Variants in CMTM4 observed in about 807,000 individuals in gnomAD.
CMTM4 encodes the protein CKLF like MARVEL transmembrane domain containing 4.
In CMTM4, 8 loss-of-function variants were observed where a neutral mutation model predicts 19.0. That is an observed-to-expected ratio of 0.42 (90% CI 0.25 to 0.76). CMTM4 has a LOEUF of 0.76. CMTM4 is among the 30% of genes least tolerant of loss of function. The pLI is 0.27. For synonymous variants in CMTM4, 106 were observed against 121.1 expected, an observed-to-expected ratio of 0.88 and a Z score of 0.82; for missense variants, 228 against 290.2, an observed-to-expected ratio of 0.79 and a Z score of 1.56.
At chr16:66,687,465 T>A (rs2017054529) in intron 1 of CMTM4, among the ~76,000 whole-genome samples, 1 of 151,896 alleles carries the variant, frequency 6.6e-6, no homozygotes, top group Non-Finnish European at 1.5e-5. Context: ...CAGGAGTTTG[T>A]GGCCAGCCTA....
chr16:66,612,686 T>TGTGAG, downstream of CMTM4: 2 of 1,595,260 alleles, frequency 1.3e-6, no homozygotes, highest in Non-Finnish European at 8.6e-7. This position sits in a 1 kb window ranked among gnomAD's most constrained non-coding sequence, Gnocchi z 6.0. Context: ...CCTCCACCCC[T>TGTGAG]GCGCCTCACA....
intron 1 of CMTM4, among the ~76,000 whole-genome samples, chr16:66,656,103 G>C (rs542406239): frequency 6.6e-6 from 1 of 151,970 alleles, no homozygotes; most frequent in African/African-American, 2.4e-5. Flanking sequence ...CAGTATCTGG[G>C]AGACAGAGTA....
In CMTM4 at chr16:66,620,429, C is replaced by G. The variant is rs938090958; in HGVS notation, c.*1629G>C. The G allele has an allele frequency of 1.0e-6, 1 of 985,316 alleles. No individual in the cohort carries two copies. The highest frequency in any genetic ancestry group is 1.7e-5 in the African/African-American group (1 of 57,230). The allele number at this position is 985,316 out of a possible 1,614,324, so 61.0% of individuals were successfully genotyped here. ...CTGGGACACTGCTCCCAACTCAGAT[C>G]GTACTGAAGGTGTTGGTGCAGGAAG... On this transcript the variant is annotated 3_prime_UTR_variant, in exon 4 of 4. Transcript: ENST00000394106.
At chr16:66,599,514 G>A in the CMTM4 span, among the ~76,000 whole-genome samples, 3 of 151,742 alleles carry the variant, frequency 2.0e-5, no homozygotes, top group Non-Finnish European at 4.4e-5. Context: ...TTGAGACAAG[G>A]TCTCACTCGC....
intron 1 of CMTM4, among the ~76,000 whole-genome samples, chr16:66,651,216 G>A (rs538066563): frequency 2.9e-4 from 44 of 152,204 alleles, no homozygotes; most frequent in Admixed American, 9.8e-4. Context: ...TCCTGGAGCC[G>A]GAACTACAGA....
chr16:66,647,097 T>C (rs2016216834), intron 1 of CMTM4, among the ~76,000 whole-genome samples: 2 of 139,328 alleles, frequency 1.4e-5, no homozygotes, highest in South Asian at 4.4e-4. Flanking sequence ...GGGTGGATCA[T>C]GAAGTCAGGA....
chr16:66,672,106 T>C (rs1484170938), intron 1 of CMTM4, among the ~76,000 whole-genome samples: 1 of 152,066 alleles, frequency 6.6e-6, no homozygotes, highest in African/African-American at 2.4e-5. Flanking sequence ...TAATTGTAGT[T>C]TTTGTCATTA....
chr16:66,605,196 G>A, the CMTM4 span: 1 of 385,672 alleles, frequency 2.6e-6, no homozygotes, highest in Admixed American at 4.7e-5. The surrounding 1 kb of genome is among the most constrained non-coding windows in gnomAD (Gnocchi z 4.6). Flanking sequence ...CCAGAGCTGG[G>A]GGCCGTGGGA....
chr16:66,630,973 G>A (rs913043652), intron 2 of CMTM4, among the ~76,000 whole-genome samples: 5 of 151,158 alleles, frequency 3.3e-5, no homozygotes, highest in South Asian at 2.1e-4. Flanking sequence ...GGTGAGGAGC[G>A]TCTCTGCCCA....
At chr16:66,631,671 C>T (rs1345506669) in intron 2 of CMTM4, among the ~76,000 whole-genome samples, 1 of 152,116 alleles carries the variant, frequency 6.6e-6, no homozygotes, top group African/African-American at 2.4e-5. Flanking sequence ...TGTGTCCACT[C>T]AGGGTTAAAT....
Position 66,618,027 on chromosome 16 carries a change from A to G in CMTM4, c.*4031T>C. 3 of 985,518 alleles carry G rather than the reference A, an allele frequency of 3.0e-6. No individual in the cohort carries two copies. The highest frequency in any genetic ancestry group is 3.6e-6 in the Non-Finnish European group (3 of 830,060). 61.0% of individuals were successfully genotyped at this position (985,518 alleles called of 1,614,324 possible). The stretch of plus-strand genomic sequence containing the variant: ...CACTGCTTCCTCCCTTATCTCCCAG[A>G]CCTGGCCGTGTGTGGACCTCACCAG... On this transcript the variant is annotated 3_prime_UTR_variant, in exon 4 of 4. Transcript: ENST00000394106.
At chr16:66,610,555 G>C (rs1410439763), downstream of CMTM4, among the ~76,000 whole-genome samples, 1 of 152,188 alleles carries the variant, frequency 6.6e-6, no homozygotes, top group Non-Finnish European at 1.5e-5. This position sits in a 1 kb window ranked among gnomAD's most constrained non-coding sequence, Gnocchi z 4.6. Context: ...CAGCTGGCCC[G>C]AGGCTCTGGA....
chr16:66,605,246 CCAGGCG>C, the CMTM4 span: 1 of 275,968 alleles, frequency 3.6e-6, no homozygotes, highest in Non-Finnish European at 6.8e-6. This position sits in a 1 kb window ranked among gnomAD's most constrained non-coding sequence, Gnocchi z 4.6. Context: ...GCTGTGTGAG[CCAGGCG>C]CCCCCGCCCT....
At chr16:66,677,088 A>G (rs1348141261) in intron 1 of CMTM4, among the ~76,000 whole-genome samples, 3 of 152,162 alleles carry the variant, frequency 2.0e-5, no homozygotes, top group East Asian at 1.9e-4. Context: ...AAAACACAAA[A>G]TTAGCCAGGC....
Position 66,696,226 on chromosome 16 carries a change from G to T in CMTM4, c.186+114C>A. The T allele has an allele frequency of 1.4e-6, 1 of 716,846 alleles. No individual in the cohort carries two copies. Among genetic ancestry groups the T allele is most frequent in the Non-Finnish European group, 1.9e-6 (1 of 523,920 alleles). 44.4% of individuals were successfully genotyped at this position (716,846 alleles called of 1,614,324 possible). On this transcript the variant is annotated intron_variant, in intron 1 of 3. Coordinates refer to ENST00000394106, the MANE Select transcript of CMTM4 (RefSeq NM_181521.3). This position sits in a 1 kb window ranked among gnomAD's most constrained non-coding sequence, Gnocchi z 4.3. ...CCCCACGAGGGAGAGGGGGCGCGAG[G>T]AGCGGGCTCCGGCCTGGGCAAGCGG... is the stretch of plus-strand genomic sequence containing the variant.
intron 1 of CMTM4, among the ~76,000 whole-genome samples, chr16:66,677,657 G>A (rs2144895185): frequency 6.6e-6 from 1 of 152,150 alleles, no homozygotes; most frequent in East Asian, 1.9e-4. Flanking sequence ...GGCCCTTAAA[G>A]GCCAAGCTGA....
At position 66,620,343 on chromosome 16, in the gene CMTM4, G is replaced by C. The variant is rs200399795; in HGVS notation, c.*1715C>G. On this transcript the variant is annotated 3_prime_UTR_variant, in exon 4 of 4. Coordinates refer to ENST00000394106, the MANE Select transcript of CMTM4 (RefSeq NM_181521.3). ...CTCTCTGTGGGAGCAGAGGGGAGAC[G>C]AGTTGTTAACAGGCTAGCAGGGTCA... is the stretch of plus-strand genomic sequence containing the variant. The C allele has an allele frequency of 5.1e-6, 5 of 985,360 alleles. No individual in the cohort carries two copies. The South Asian group carries it at 1.4e-4, about 28-fold the overall frequency. 61.0% of individuals were successfully genotyped at this position (985,360 alleles called of 1,614,324 possible). A position where few individuals can be genotyped will look rare whatever the true frequency, so the allele number is the denominator to read the frequency against.
chr16:66,667,784 G>A (rs626743), intron 1 of CMTM4, among the ~76,000 whole-genome samples: 7,312 of 152,118 alleles, frequency 0.048, 285 homozygotes, highest in Admixed American at 0.11. Context: ...AGCTATTTAG[G>A]AGGCTGAGGC....
At chr16:66,637,217 T>G (rs2016009840) in intron 1 of CMTM4, among the ~76,000 whole-genome samples, 1 of 152,184 alleles carries the variant, frequency 6.6e-6, no homozygotes. Flanking sequence ...GATGGCAGCT[T>G]ATTAAAAAAC....
Sources: allele counts gnomAD v4.1 joint callset (sites outside exome capture counted in the v4.1 genomes callset), GRCh38; gene constraint gnomAD v4.1.1; non-coding constraint Gnocchi (gnomAD v3.1); transcripts MANE v1.5; gene names NCBI Gene and HGNC (gene_info 2026-07-23, HGNC 2026-07-21).